The following CTNNA3 variants were observed in gnomAD, a reference collection of about 807,000 sequenced individuals.
CTNNA3 encodes the protein catenin alpha-3.
A neutral mutation model predicts 95.7 loss-of-function variants in CTNNA3; 76 were observed. The ratio of observed to expected loss-of-function variants is 0.79; its 90% confidence interval spans 0.66 to 0.96. CTNNA3 has a LOEUF of 0.96. CTNNA3 is among the 40% of genes least tolerant of loss of function. The pLI, the probability that CTNNA3 is intolerant of heterozygous loss-of-function variation, is 0.00. For missense variants in CTNNA3, 1,191 were observed against 1,089.8 expected (o/e 1.09, Z -1.31); for synonymous variants, 431 against 374.4 (o/e 1.15, Z -1.74).
chr10:66,995,315 T>C (rs1851269011), intron 7 of CTNNA3, among the ~76,000 whole-genome samples: 1 of 152,134 alleles, frequency 6.6e-6, no homozygotes, highest in Non-Finnish European at 1.5e-5. Context: ...GGTTACCAAG[T>C]CCTGGGAATT....
At chr10:67,215,326 T>G (rs1864308879) in intron 6 of CTNNA3, among the ~76,000 whole-genome samples, 1 of 152,136 alleles carries the variant, frequency 6.6e-6, no homozygotes, top group African/African-American at 2.4e-5. Flanking sequence ...CCTTATAATT[T>G]CAATATCTAC....
In CTNNA3 at chr10:67,189,197, A is replaced by C. The variant is rs531776350; in HGVS notation, c.844-8677T>G. On this transcript the variant is annotated intron_variant, in intron 6 of 17. Coordinates refer to ENST00000433211, the MANE Select transcript of CTNNA3 (RefSeq NM_013266.4). ...GCAGCAAGATGGATAAGCCTAGAAG[A>C]CATTATGTTATGTGAAATAAGCCAT... is the stretch of plus-strand genomic sequence containing the variant. Among the ~76,000 whole-genome samples, 5 of 152,218 alleles carry C rather than the reference A, an allele frequency of 3.3e-5. No individual in the cohort carries two copies. In the East Asian group the frequency reaches 9.7e-4, roughly 29 times the overall value.
At chr10:67,576,561 A>G (rs924788533) in intron 3 of CTNNA3, among the ~76,000 whole-genome samples, 5 of 150,784 alleles carry the variant, frequency 3.3e-5, no homozygotes, top group African/African-American at 1.2e-4. Flanking sequence ...ATTTTATTTT[A>G]TTATTATTAT....
chr10:66,335,520 C>G (rs2092384487), intron 12 of CTNNA3, among the ~76,000 whole-genome samples: 2 of 152,230 alleles, frequency 1.3e-5, no homozygotes, highest in South Asian at 4.1e-4. Context: ...GCCTGGGTAT[C>G]AGCAGCAGAA....
chr10:66,826,248 G>A (rs1842508990), intron 7 of CTNNA3, among the ~76,000 whole-genome samples: 1 of 152,126 alleles, frequency 6.6e-6, no homozygotes, highest in Non-Finnish European at 1.5e-5. Flanking sequence ...TGCTAAACAT[G>A]TCTATGTAAT....
intron 4 of CTNNA3, among the ~76,000 whole-genome samples, chr10:67,523,106 A>C (rs892861651): frequency 2.0e-5 from 3 of 152,190 alleles, no homozygotes; most frequent in African/African-American, 7.2e-5. Context: ...TTAAATCCCT[A>C]ATTTCATGAA....
At chr10:67,190,273 T>TA (rs1482287453) in intron 6 of CTNNA3, among the ~76,000 whole-genome samples, 2 of 151,904 alleles carry the variant, frequency 1.3e-5, no homozygotes, top group Non-Finnish European at 2.9e-5. Flanking sequence ...TATGATAAAA[T>TA]AAAAAACAGA....
In CTNNA3 at chr10:66,448,555, T is replaced by C. The variant is rs574483679; in HGVS notation, c.1532-69203A>G. ...ACATGGATGAAACTGGAAACCATCATTCTCAGCAAACTCTCGCAAGGACAA... is the reference window on the plus strand; with the variant it reads ...ACATGGATGAAACTGGAAACCATCACTCTCAGCAAACTCTCGCAAGGACAA... On this transcript the variant is annotated intron_variant, in intron 11 of 17. Transcript: ENST00000433211. 1.6e-4 allele frequency among the ~76,000 whole-genome samples: 24 copies of C among 152,220 alleles called. 1 individual carries two copies. The highest frequency in any genetic ancestry group is 5.8e-4 in the African/African-American group (24 of 41,536).
chr10:66,496,125 T>C (rs1054801054), intron 11 of CTNNA3, among the ~76,000 whole-genome samples: 1 of 152,162 alleles, frequency 6.6e-6, no homozygotes, highest in Admixed American at 6.5e-5. Flanking sequence ...TAACTGAACA[T>C]TTAGCTGAGC....
At chr10:67,345,977 T>TA (rs1842398906) in intron 5 of CTNNA3, among the ~76,000 whole-genome samples, 1 of 152,170 alleles carries the variant, frequency 6.6e-6, no homozygotes, top group Non-Finnish European at 1.5e-5. Flanking sequence ...TTGTTTTTTT[T>TA]ATTTTCTGAT....
rs56952134 is a variant in CTNNA3, at chr10:65,944,854, GTCTATCTATCTATCTA to G, written c.2400+21742_2400+21757del. ...TATAGTAACAAACAAGAAAATATCT[GTCTATCTATCTATCTA>G]TCTATCTATCTATCTATCTATCTAT... On this transcript the variant is annotated intron_variant, in intron 17 of 17. Coordinates refer to ENST00000433211, the MANE Select transcript of CTNNA3 (RefSeq NM_013266.4). Among the ~76,000 whole-genome samples the G allele has an allele frequency of 3.0e-3, 441 of 144,948 alleles. 1 individual carries two copies. Among genetic ancestry groups the G allele is most frequent in the Middle Eastern group, 0.014 (4 of 282 alleles).
At chr10:66,071,240 A>C (rs564217891) in intron 14 of CTNNA3, among the ~76,000 whole-genome samples, 30 of 152,348 alleles carry the variant, frequency 2.0e-4, no homozygotes, top group Non-Finnish European at 2.6e-4. Flanking sequence ...ATATATCGCC[A>C]GGTGGCTATG....
chr10:67,469,565 C>T (rs1847738960), intron 5 of CTNNA3, among the ~76,000 whole-genome samples: 1 of 146,458 alleles, frequency 6.8e-6, no homozygotes, highest in African/African-American at 2.6e-5. Flanking sequence ...ACAATGAGAA[C>T]ACATGGACAC....
At chr10:66,744,266 T>C (rs1015467772) in intron 9 of CTNNA3, among the ~76,000 whole-genome samples, 3 of 152,188 alleles carry the variant, frequency 2.0e-5, no homozygotes, top group Admixed American at 1.3e-4. Flanking sequence ...CTTCTTAGTA[T>C]AGTTTTTATT....
At chr10:66,237,849 T>G (rs1338611923) in intron 13 of CTNNA3, among the ~76,000 whole-genome samples, 1 of 152,272 alleles carries the variant, frequency 6.6e-6, no homozygotes, top group Middle Eastern at 3.4e-3. Context: ...CTTGACATTA[T>G]GGTACAGTGG....
intron 1 of CTNNA3, among the ~76,000 whole-genome samples, chr10:67,689,771 G>GT (rs1840807000): frequency 6.6e-6 from 1 of 152,140 alleles, no homozygotes; most frequent in African/African-American, 2.4e-5. Context: ...GTCAGGGATT[G>GT]TTAGAGAGCC....
chr10:67,720,339 C>T (rs918197980), intron 1 of CTNNA3, among the ~76,000 whole-genome samples: 1 of 150,716 alleles, frequency 6.6e-6, no homozygotes, highest in African/African-American at 2.4e-5. Context: ...TTAATTGAGG[C>T]GTTTAGCCCA....
intron 7 of CTNNA3, among the ~76,000 whole-genome samples, chr10:67,038,787 T>C (rs951664217): frequency 6.6e-6 from 1 of 152,078 alleles, no homozygotes; most frequent in Non-Finnish European, 1.5e-5. Flanking sequence ...AATGTCTCTC[T>C]TTATATTGTC....
chr10:67,632,553 G>A (rs114575548), intron 2 of CTNNA3, among the ~76,000 whole-genome samples: 5,389 of 152,196 alleles, frequency 0.035, 95 homozygotes, highest in Middle Eastern at 0.078. Context: ...AGCAGGGTGG[G>A]GCGATGGTCC....
Sources: allele counts gnomAD v4.1 joint callset (sites outside exome capture counted in the v4.1 genomes callset), GRCh38; gene constraint gnomAD v4.1.1; transcripts MANE v1.5; gene names NCBI Gene and HGNC (gene_info 2026-07-23, HGNC 2026-07-21).